Variants in PRKAA2 observed in about 807,000 individuals in gnomAD.
PRKAA2 encodes 5'-AMP-activated protein kinase catalytic subunit alpha-2.
Under a neutral mutation model 56.3 loss-of-function variants are expected in PRKAA2, and 40 were observed. The observed-to-expected ratio is 0.71, with a 90% CI of 0.55 to 0.92. The LOEUF is 0.92. Ranked by LOEUF, PRKAA2 falls within the 40% of genes least tolerant of loss-of-function variation. The pLI is 0.00. For synonymous variants in PRKAA2, 214 were observed against 234.2 expected (o/e 0.91, Z 0.79); for missense variants, 542 against 686.9 (o/e 0.79, Z 2.36).
At chr1:56,677,685 C>G (rs1644123244) in intron 2 of PRKAA2, among the ~76,000 whole-genome samples, 1 of 147,146 alleles carries the variant, frequency 6.8e-6, no homozygotes, top group Non-Finnish European at 1.5e-5. Flanking sequence ...TTAACAGAGC[C>G]TAGCTCTGTT....
At chr1:56,684,103 G>T (rs576275403) in intron 2 of PRKAA2, among the ~76,000 whole-genome samples, 2 of 152,254 alleles carry the variant, frequency 1.3e-5, no homozygotes, top group South Asian at 4.1e-4. Context: ...AACAGCATTT[G>T]CTAACAGATA....
At chr1:56,681,240 T>A (rs1644153122) in intron 2 of PRKAA2, among the ~76,000 whole-genome samples, 1 of 152,240 alleles carries the variant, frequency 6.6e-6, no homozygotes, top group Non-Finnish European at 1.5e-5. Flanking sequence ...AAGTTCTTTG[T>A]AGATTCTGGA....
chr1:56,691,445 G>T lies in PRKAA2; in HGVS notation c.288G>T (p.Val96=). Residue 96 remains valine (V), a synonymous_variant, in exon 3 of 9, where the codon GTG becomes GTT. Coordinates refer to ENST00000371244, the MANE Select transcript of PRKAA2 (RefSeq NM_006252.4). ...ATTTTTTTATGGTAATGGAATATGT[G>T]TCTGGAGGTGAATTATTTGACTACA... is the stretch of plus-strand genomic sequence containing the variant. ...PTDFFMVMEY[V]SGGELFDYIC... 6.2e-7 allele frequency: 1 copy of T among 1,612,672 alleles called. No individual in the cohort carries two copies. The highest frequency in any genetic ancestry group is 8.5e-7 in the Non-Finnish European group (1 of 1,179,024).
At position 56,673,895 on chromosome 1, in the gene PRKAA2, G is replaced by A. The variant is rs148281138; in HGVS notation, c.95-486G>A. Reference sequence around the variant, plus strand: ...TCCATCAAATGGGGGAAAATAAGAGGACTTTATGAAAAAGGCACAAAAAAG... The same window carrying A: ...TCCATCAAATGGGGGAAAATAAGAGAACTTTATGAAAAAGGCACAAAAAAG... On this transcript the variant is annotated intron_variant, in intron 1 of 8. Coordinates refer to ENST00000371244, the MANE Select transcript of PRKAA2 (RefSeq NM_006252.4). 6.0e-3 allele frequency among the ~76,000 whole-genome samples: 916 copies of A among 152,162 alleles called. 5 individuals carry two copies. Among genetic ancestry groups the A allele is most frequent in the African/African-American group, 0.021 (873 of 41,526 alleles).
Position 56,691,520 on chromosome 1 carries a change from C to T in PRKAA2, c.330+33C>T. On this transcript the variant is annotated intron_variant, in intron 3 of 8. Transcript: ENST00000371244. Reference sequence around the variant, plus strand: ...ACATACTATCTGGTACACTAAATCTCTAAACTAATAAAAAGGAAAGTATTG... The same window carrying T: ...ACATACTATCTGGTACACTAAATCTTTAAACTAATAAAAAGGAAAGTATTG... 4 of 1,509,058 alleles carry T rather than the reference C, an allele frequency of 2.7e-6. No individual in the cohort carries two copies. The South Asian group carries it at 3.6e-5, about 14-fold the overall frequency. The allele number at this position is 1,509,058 out of a possible 1,614,324, so 93.5% of individuals were successfully genotyped here. A position where few individuals can be genotyped will look rare whatever the true frequency, so the allele number is the denominator to read the frequency against.
intron 2 of PRKAA2, among the ~76,000 whole-genome samples, chr1:56,689,909 C>G (rs867197290): frequency 0.014 from 2,008 of 147,800 alleles, 43 homozygotes; most frequent in African/African-American, 0.048. Flanking sequence ...CACACACACA[C>G]ACACACACAC....
In PRKAA2 at chr1:56,690,616, CTCTTAAGTTACTTTTAACG is replaced by C. The variant is rs199712845; in HGVS notation, c.237-776_237-758del. Among the ~76,000 whole-genome samples the C allele has an allele frequency of 4.3e-4, 65 of 152,284 alleles. No homozygotes were observed. The East Asian group carries it at 0.011, about 26-fold the overall frequency. On this transcript the variant is annotated intron_variant, in intron 2 of 8. Coordinates refer to ENST00000371244, the MANE Select transcript of PRKAA2 (RefSeq NM_006252.4). ...TATACAGCATAATTGGTCAATATGTCTCTTAAGTTACTTTTAACGTATAGTTTATCCTTTCCCTTTTTTT... is the reference window on the plus strand; with the variant it reads ...TATACAGCATAATTGGTCAATATGTCTATAGTTTATCCTTTCCCTTTTTTT...
intron 5 of PRKAA2, among the ~76,000 whole-genome samples, chr1:56,695,202 ATT>A (rs200126678): frequency 0.038 from 4,246 of 113,128 alleles, 105 homozygotes; most frequent in East Asian, 0.15. Context: ...ATATATATAT[ATT>A]TTTTGTTTTG....
chr1:56,651,232 C>T (rs1643894157), intron 1 of PRKAA2, among the ~76,000 whole-genome samples: 1 of 152,098 alleles, frequency 6.6e-6, no homozygotes, highest in African/African-American at 2.4e-5. Flanking sequence ...ATTTGAGTTC[C>T]TGAGTCTGAA....
At chr1:56,691,728 C>T (rs553080379) in intron 3 of PRKAA2, among the ~76,000 whole-genome samples, 2 of 152,236 alleles carry the variant, frequency 1.3e-5, no homozygotes, top group South Asian at 4.2e-4. Context: ...AAAATCTGTT[C>T]CATAAAATCA....
Position 56,707,466 on chromosome 1 carries a change from C to G in PRKAA2, c.1421-9C>G. 6.2e-7 allele frequency: 1 copy of G among 1,611,640 alleles called. No individual in the cohort carries two copies. Among genetic ancestry groups the G allele is most frequent in the Non-Finnish European group, 8.5e-7 (1 of 1,177,898 alleles). On this transcript the variant is annotated splice_polypyrimidine_tract_variant and intron_variant, in intron 8 of 8. Transcript: ENST00000371244. ...TCCATATAAATTGCTCTTCTTTGGTCCATTTCAGATGAAGTAGTGGAGCAG... is the reference window on the plus strand; with the variant it reads ...TCCATATAAATTGCTCTTCTTTGGTGCATTTCAGATGAAGTAGTGGAGCAG...
In PRKAA2 at chr1:56,696,077, T is replaced by C; in HGVS notation, c.706T>C (p.Tyr236His). Reference protein sequence around the residue: ...IRGGVFYIPEYLNRSVATLLM... With the variant: ...IRGGVFYIPEHLNRSVATLLM... ...AGGGGGTGTCTTTTATATCCCAGAA[T>C]ATCTCAATCGTTCTGTCGCCACTCT... Residue 236 changes from tyrosine to histidine, a missense_variant, in exon 6 of 9, where the codon TAT (tyrosine) becomes CAT (histidine). Coordinates refer to ENST00000371244, the MANE Select transcript of PRKAA2 (RefSeq NM_006252.4). 1.2e-6 allele frequency: 2 copies of C among 1,613,480 alleles called. No homozygotes were observed. Among genetic ancestry groups the C allele is most frequent in the African/African-American group, 2.7e-5 (2 of 74,798 alleles).
chr1:56,676,779 G>A (rs1443262893), intron 2 of PRKAA2, among the ~76,000 whole-genome samples: 1 of 152,178 alleles, frequency 6.6e-6, no homozygotes, highest in African/African-American at 2.4e-5. Context: ...CCCATGTGGT[G>A]CATCTTACCG....
chr1:56,652,144 C>G (rs942618091), intron 1 of PRKAA2, among the ~76,000 whole-genome samples: 4 of 151,862 alleles, frequency 2.6e-5, no homozygotes, highest in Non-Finnish European at 4.4e-5. Flanking sequence ...TCCCGACTAG[C>G]TGGGACTACA....
At chr1:56,699,593 T>A (rs1247360213) in intron 6 of PRKAA2, among the ~76,000 whole-genome samples, 1 of 152,232 alleles carries the variant, frequency 6.6e-6, no homozygotes, top group Non-Finnish European at 1.5e-5. Flanking sequence ...TTTTTTAAAA[T>A]TAATTTTTAA....
chr1:56,656,697 C>G (rs573672292), intron 1 of PRKAA2, among the ~76,000 whole-genome samples: 2 of 152,134 alleles, frequency 1.3e-5, no homozygotes, highest in Admixed American at 6.5e-5. Context: ...TCCACTGATA[C>G]GGGCTTCCCA....
At chr1:56,650,401 A>C (rs548476313) in intron 1 of PRKAA2, among the ~76,000 whole-genome samples, 1 of 152,288 alleles carries the variant, frequency 6.6e-6, no homozygotes, top group African/African-American at 2.4e-5. Context: ...ATTTTTCTCT[A>C]TATTGACTGT....
chr1:56,713,592 A>G lies in PRKAA2; in HGVS notation c.*5879A>G, dbSNP rs1192015001. 6.6e-6 allele frequency: 1 copy of G among 152,026 alleles called. No homozygotes were observed. The highest frequency in any genetic ancestry group is 1.9e-4 in the East Asian group (1 of 5,180). 9.4% of individuals were successfully genotyped at this position (152,026 alleles called of 1,614,324 possible). A position where few individuals can be genotyped will look rare whatever the true frequency, so the allele number is the denominator to read the frequency against. ...GAAAACTTTTTTGAATAATACGTAG[A>G]ATTTTGACAAGGTTCATACAGTGCA... is the stretch of plus-strand genomic sequence containing the variant. On this transcript the variant is annotated 3_prime_UTR_variant, in exon 9 of 9. Transcript: ENST00000371244.
chr1:56,700,240 G>C (rs983519266), intron 6 of PRKAA2, among the ~76,000 whole-genome samples: 3 of 152,100 alleles, frequency 2.0e-5, no homozygotes, highest in Admixed American at 1.3e-4. Flanking sequence ...TTAATGATCA[G>C]CTAGTGATTA....
Sources: gnomAD v4.1 joint callset for allele counts (sites outside exome capture counted in the v4.1 genomes callset) on GRCh38, gnomAD v4.1.1 for gene constraint, MANE v1.5 for transcripts, NCBI Gene and HGNC (gene_info 2026-07-23, HGNC 2026-07-21) for gene names.